Variants in ERC2 observed in about 807,000 individuals in gnomAD.
ERC2 encodes ERC protein 2.
Under a neutral mutation model 114.8 loss-of-function variants are expected in ERC2, and 42 were observed. That is an observed-to-expected ratio of 0.37 (90% CI 0.29 to 0.47). The LOEUF is 0.47. Among genes scored for constraint, ERC2 ranks in the 20% least tolerant of loss-of-function variants. The pLI, the probability that ERC2 is intolerant of heterozygous loss-of-function variation, is 0.99. For missense variants in ERC2, 939 were observed against 1,150.7 expected, an observed-to-expected ratio of 0.82 and a Z score of 2.66; for synonymous variants, 454 against 425.5, an observed-to-expected ratio of 1.07 and a Z score of -0.82.
At chr3:55,847,473 G>A (rs2061414104) in intron 14 of ERC2, among the ~76,000 whole-genome samples, 1 of 152,136 alleles carries the variant, frequency 6.6e-6, no homozygotes, top group Non-Finnish European at 1.5e-5. Flanking sequence ...CCATTCACAG[G>A]GAGTAGTTGA....
chr3:56,316,629 C>A (rs1490830306), intron 2 of ERC2, among the ~76,000 whole-genome samples: 1 of 151,984 alleles, frequency 6.6e-6, no homozygotes, highest in African/African-American at 2.4e-5. Flanking sequence ...CACACACACA[C>A]ATATATACAG....
intron 17 of ERC2, among the ~76,000 whole-genome samples, chr3:55,630,147 C>T (rs2059687667): frequency 6.6e-6 from 1 of 152,200 alleles, no homozygotes. Context: ...AGCATACTAT[C>T]AGACAAGACA....
At chr3:55,883,055 T>C (rs757774070) in intron 14 of ERC2, among the ~76,000 whole-genome samples, 8 of 152,244 alleles carry the variant, frequency 5.3e-5, no homozygotes, top group East Asian at 1.9e-4. Context: ...AAATGCAAGC[T>C]CAACAAGGTC....
chr3:55,597,693 T>C (rs2058211887), intron 17 of ERC2, among the ~76,000 whole-genome samples: 1 of 152,182 alleles, frequency 6.6e-6, no homozygotes, highest in African/African-American at 2.4e-5. Context: ...CCCTTTGAAA[T>C]ATAATGTATT....
chr3:56,067,542 C>T (rs768683533), intron 7 of ERC2, among the ~76,000 whole-genome samples: 1 of 152,158 alleles, frequency 6.6e-6, no homozygotes, highest in Admixed American at 6.5e-5. Context: ...ATTTCTCTCT[C>T]TTACCTGATT....
intron 1 of ERC2, among the ~76,000 whole-genome samples, chr3:56,440,218 T>C (rs2062223242): frequency 6.6e-6 from 1 of 152,214 alleles, no homozygotes; most frequent in African/African-American, 2.4e-5. Context: ...CAGTCTTCCC[T>C]ATTCCTGAAA....
intron 15 of ERC2, among the ~76,000 whole-genome samples, chr3:55,723,396 TC>T (rs1231911514): frequency 6.6e-6 from 1 of 152,162 alleles, no homozygotes; most frequent in Non-Finnish European, 1.5e-5. Context: ...CTCTATGCTT[TC>T]AACTATGGAA....
intron 17 of ERC2, among the ~76,000 whole-genome samples, chr3:55,567,867 C>T (rs1391573895): frequency 3.3e-5 from 5 of 152,062 alleles, no homozygotes; most frequent in Admixed American, 6.6e-5. Context: ...AATTTCCTTC[C>T]GGCCTTTTCT....
intron 17 of ERC2, among the ~76,000 whole-genome samples, chr3:55,514,222 A>C (rs2107146805): frequency 6.6e-6 from 1 of 152,078 alleles, no homozygotes; most frequent in Admixed American, 6.6e-5. Context: ...CATGGCAAAA[A>C]CCCGTCTCCA....
intron 12 of ERC2, among the ~76,000 whole-genome samples, chr3:55,969,430 C>G (rs1205359685): frequency 6.6e-6 from 1 of 151,312 alleles, no homozygotes; most frequent in East Asian, 1.9e-4. Context: ...CACACACACA[C>G]ACACACCCTT....
chr3:56,128,648 G>A (rs1175851710), intron 6 of ERC2, among the ~76,000 whole-genome samples: 1 of 152,156 alleles, frequency 6.6e-6, no homozygotes. Flanking sequence ...CACTCCCTCA[G>A]TGACACCTAG....
chr3:56,067,759 A>G (rs2149721342), intron 7 of ERC2, among the ~76,000 whole-genome samples: 1 of 152,340 alleles, frequency 6.6e-6, no homozygotes, highest in East Asian at 1.9e-4. Context: ...AGGGATGTTG[A>G]ATTTTATCAA....
chr3:56,380,721 T>C (rs565596166), intron 2 of ERC2, among the ~76,000 whole-genome samples: 37 of 152,326 alleles, frequency 2.4e-4, no homozygotes, highest in African/African-American at 8.4e-4. Flanking sequence ...ATCTTTGATA[T>C]AAAGTGAGAT....
chr3:55,601,845 C>T (rs917452967), intron 17 of ERC2, among the ~76,000 whole-genome samples: 1 of 152,114 alleles, frequency 6.6e-6, no homozygotes. Flanking sequence ...AACAAACAAA[C>T]AAATATTCGG....
intron 2 of ERC2, among the ~76,000 whole-genome samples, chr3:56,357,704 G>C (rs1306499211): frequency 6.6e-6 from 1 of 150,814 alleles, no homozygotes; most frequent in Admixed American, 6.6e-5. Context: ...TAAAGATCAA[G>C]GGCCATTGCA....
chr3:55,955,054 T>C (rs1035814447), intron 12 of ERC2: 3 of 433,970 alleles, frequency 6.9e-6, no homozygotes, highest in African/African-American at 6.1e-5. Flanking sequence ...AGCAGAAATA[T>C]AAATAATACA....
chr3:55,793,836 C>T (rs962932450), intron 14 of ERC2, among the ~76,000 whole-genome samples: 3 of 151,976 alleles, frequency 2.0e-5, no homozygotes, highest in South Asian at 2.1e-4. Context: ...AATGGTAGCT[C>T]GAGGCTTTCA....
At chr3:56,123,726 C>T (rs567531847) in intron 6 of ERC2, among the ~76,000 whole-genome samples, 51 of 152,246 alleles carry the variant, frequency 3.3e-4, no homozygotes, top group African/African-American at 1.2e-3. Context: ...GACCATCCAC[C>T]CCTTTGCTTA....
At chr3:55,790,623 C>CAGATAA (rs2069926388) in intron 14 of ERC2, among the ~76,000 whole-genome samples, 1 of 152,286 alleles carries the variant, frequency 6.6e-6, no homozygotes, top group Non-Finnish European at 1.5e-5. Flanking sequence ...CCCTACTATC[C>CAGATAA]CCCACCTCCA....
Sources: allele counts gnomAD v4.1 joint callset (sites outside exome capture counted in the v4.1 genomes callset), GRCh38; gene constraint gnomAD v4.1.1; transcripts MANE v1.5; gene names NCBI Gene and HGNC (gene_info 2026-07-23, HGNC 2026-07-21).